The following TMCO6 variants were observed in gnomAD, a reference collection of about 807,000 sequenced individuals.
The protein encoded by TMCO6 is transmembrane and coiled-coil domains 6.
Under a neutral mutation model 61.8 loss-of-function variants are expected in TMCO6, and 47 were observed. The ratio of observed to expected loss-of-function variants is 0.76; its 90% confidence interval spans 0.60 to 0.97. The LOEUF (loss-of-function observed/expected upper bound fraction) is 0.97. Ranked by LOEUF, TMCO6 falls within the 50% of genes least tolerant of loss-of-function variation. The pLI is 0.00. For missense variants in TMCO6, 557 were observed against 601.6 expected, an observed-to-expected ratio of 0.93 and a Z score of 0.78; for synonymous variants, 261 against 254.2, an observed-to-expected ratio of 1.03 and a Z score of -0.25.
the TMCO6 span, chr5:140,632,441 G>GT: frequency 6.2e-7 from 1 of 1,614,118 alleles, no homozygotes; most frequent in Non-Finnish European, 8.5e-7. This position sits in a 1 kb window ranked among gnomAD's most constrained non-coding sequence, Gnocchi z 6.2. Context: ...AGGCAGGCGA[G>GT]TGTGCTTGGG....
In TMCO6 at chr5:140,641,651, GC is replaced by G; in HGVS notation, c.199-11del. On this transcript the variant is annotated splice_polypyrimidine_tract_variant and intron_variant, in intron 2 of 11. Transcript: ENST00000394671. ...GTGAACCGTGTGTTCTCCTTTCCCT[GC>G]CCTGAACTCCAGGTGCAGCAGTTCC... is the stretch of plus-strand genomic sequence containing the variant. The G allele has an allele frequency of 3.1e-6, 5 of 1,611,518 alleles. No individual in the cohort carries two copies. Among genetic ancestry groups the G allele is most frequent in the Non-Finnish European group, 4.2e-6 (5 of 1,178,354 alleles).
At chr5:140,625,799 C>A in the TMCO6 span, among the ~76,000 whole-genome samples, 27 of 152,216 alleles carry the variant, frequency 1.8e-4, no homozygotes, top group East Asian at 5.2e-3. Context: ...ACATTCCAGG[C>A]AGAGGGAAGA....
chr5:140,608,608 C>T, the TMCO6 span, among the ~76,000 whole-genome samples: 1 of 152,144 alleles, frequency 6.6e-6, no homozygotes, highest in Admixed American at 6.5e-5. Context: ...TCTGTGTTTT[C>T]TTCTAAGAGC....
At chr5:140,598,599 T>A in the TMCO6 span, among the ~76,000 whole-genome samples, 1 of 152,200 alleles carries the variant, frequency 6.6e-6, no homozygotes, top group Admixed American at 6.5e-5. Context: ...ATTTTCAGCA[T>A]TCGTATCTAC....
In TMCO6 at chr5:140,642,193, C is replaced by T. The variant is rs185073942; in HGVS notation, c.499-122C>T. The T allele has an allele frequency of 2.6e-4, 364 of 1,396,212 alleles. 1 individual carries two copies. In the African/African-American group the frequency reaches 4.1e-3, roughly 16 times the overall value. The allele number at this position is 1,396,212 out of a possible 1,614,324, so 86.5% of individuals were successfully genotyped here. On this transcript the variant is annotated intron_variant, in intron 4 of 11. Transcript: ENST00000394671. ...GCCATGGCTACACCCATCATCTCCC[C>T]ACCCTCTTGTGAGCCGCAAGGATAG...
At chr5:140,614,497 A>G in the TMCO6 span, among the ~76,000 whole-genome samples, 13 of 149,660 alleles carry the variant, frequency 8.7e-5, no homozygotes, top group Non-Finnish European at 1.5e-4. Context: ...GGGCAACAAC[A>G]GCGAAACTCT....
At chr5:140,634,374 A>T in the TMCO6 span, among the ~76,000 whole-genome samples, 3 of 152,192 alleles carry the variant, frequency 2.0e-5, no homozygotes, top group African/African-American at 7.2e-5. Context: ...AGCAAACAAA[A>T]CAAAACAAAA....
chr5:140,647,659 G>T, downstream of TMCO6: 1 of 1,552,368 alleles, frequency 6.4e-7, no homozygotes. Flanking sequence ...GGACCCTAAA[G>T]CCTAGCCCAT....
rs1757072133 is a variant in TMCO6, at chr5:140,642,023, C to T, written c.468C>T (p.Thr156=). The T allele has an allele frequency of 6.2e-7, 1 of 1,611,660 alleles. No individual in the cohort carries two copies. The highest frequency in any genetic ancestry group is 1.3e-5 in the African/African-American group (1 of 74,916). The change falls in exon 4 of 12, where the codon ACC becomes ACT. Residue 156 remains threonine, a synonymous_variant. Coordinates refer to ENST00000394671, the MANE Select transcript of TMCO6 (RefSeq NM_018502.5). ...TGCCAGCCACTTCTTACCTCCTCACCTACCTCTCCAGTCACAGCTCAGACT... is the reference window on the plus strand; with the variant it reads ...TGCCAGCCACTTCTTACCTCCTCACTTACCTCTCCAGTCACAGCTCAGACT... The part of the protein sequence containing the change: ...ACLPATSYLL[T]YLSSHSSDFI...
chr5:140,618,490 C>CT, the TMCO6 span, among the ~76,000 whole-genome samples: 1,691 of 147,684 alleles, frequency 0.011, 19 homozygotes, highest in Non-Finnish European at 0.014. Flanking sequence ...TTTACTTTTT[C>CT]TTTTTTTTTT....
the TMCO6 span, among the ~76,000 whole-genome samples, chr5:140,612,979 G>A: frequency 6.6e-6 from 1 of 152,126 alleles, no homozygotes; most frequent in Non-Finnish European, 1.5e-5. Context: ...CTGAACAAGA[G>A]CAACACAATC....
At chr5:140,614,735 C>T in the TMCO6 span, among the ~76,000 whole-genome samples, 1 of 151,972 alleles carries the variant, frequency 6.6e-6, no homozygotes, top group South Asian at 2.1e-4. Context: ...CTGCCTCAGC[C>T]TCCCGAGTAG....
chr5:140,647,625 A>T, downstream of TMCO6: 1 of 1,598,298 alleles, frequency 6.3e-7, no homozygotes, highest in Non-Finnish European at 8.5e-7. Flanking sequence ...TCTTCAGGCC[A>T]AGTGCTCCGG....
chr5:140,641,587 A>G lies in TMCO6; in HGVS notation c.199-78A>G. On this transcript the variant is annotated intron_variant, in intron 2 of 11. Transcript: ENST00000394671. ...GAAGGTGTGATATTGGAAGGCTCAC[A>G]GGTGAAGTGGGCAGAGAGAGACTTA... 5.8e-6 allele frequency: 7 copies of G among 1,211,620 alleles called. No homozygotes were observed. The South Asian group carries it at 9.5e-5, about 16-fold the overall frequency. The allele number at this position is 1,211,620 out of a possible 1,614,324, so 75.1% of individuals were successfully genotyped here.
chr5:140,602,385 G>C, the TMCO6 span, among the ~76,000 whole-genome samples: 2 of 152,144 alleles, frequency 1.3e-5, no homozygotes, highest in African/African-American at 4.8e-5. Flanking sequence ...ATAGTACTTA[G>C]AGCAGTTTGT....
At chr5:140,642,825 A>T in intron 6 of TMCO6, 100 bp from the exon 7 acceptor site, 1 of 1,602,534 alleles carries the variant, frequency 6.2e-7, no homozygotes, top group Non-Finnish European at 8.5e-7. Context: ...CCATCTGGGC[A>T]GGGCTTTGGG....
At chr5:140,620,438 T>C in the TMCO6 span, among the ~76,000 whole-genome samples, 1 of 152,288 alleles carries the variant, frequency 6.6e-6, no homozygotes, top group East Asian at 1.9e-4. Context: ...TGTATGATGA[T>C]ATAATGGTGG....
chr5:140,612,354 T>TG, the TMCO6 span, among the ~76,000 whole-genome samples: 1 of 135,836 alleles, frequency 7.4e-6, no homozygotes, highest in Non-Finnish European at 1.6e-5. Context: ...TTTTTTTTTT[T>TG]TTTGAGACGG....
the TMCO6 span, among the ~76,000 whole-genome samples, chr5:140,615,945 A>G: frequency 6.6e-6 from 1 of 152,184 alleles, no homozygotes; most frequent in African/African-American, 2.4e-5. Flanking sequence ...AGCCTGGCCA[A>G]CATGGCGAAA....
Sources: allele counts gnomAD v4.1 joint callset (sites outside exome capture counted in the v4.1 genomes callset), GRCh38; gene constraint gnomAD v4.1.1; non-coding constraint Gnocchi (gnomAD v3.1); transcripts MANE v1.5; gene names NCBI Gene and HGNC (gene_info 2026-07-23, HGNC 2026-07-21).